Variants in IFT140 observed in about 807,000 individuals in gnomAD.
IFT140 encodes intraflagellar transport protein 140 homolog.
Under a neutral mutation model 164.6 loss-of-function variants are expected in IFT140, and 133 were observed. That is an observed-to-expected ratio of 0.81 (90% confidence interval 0.70 to 0.93). The LOEUF (loss-of-function observed/expected upper bound fraction) is 0.93. IFT140 is among the 40% of genes least tolerant of loss of function. The pLI is 0.00. For synonymous variants in IFT140, 860 were observed against 817.3 expected (o/e 1.05, Z -0.89); for missense variants, 2,045 against 1,972.3 (o/e 1.04, Z -0.70).
intron 19 of IFT140, among the ~76,000 whole-genome samples, chr16:1,539,746 G>C (rs1449452307): frequency 6.6e-6 from 1 of 152,200 alleles, no homozygotes. Flanking sequence ...GCTTCCCATG[G>C]CCCTGTCAGT....
chr16:1,545,933 C>A (rs921475971), intron 19 of IFT140, among the ~76,000 whole-genome samples: 25 of 152,230 alleles, frequency 1.6e-4, no homozygotes, highest in African/African-American at 6.0e-4. Flanking sequence ...GAGAGAGCAG[C>A]TGAAATGTGC....
chr16:1,517,575 A>G (rs2040402212), intron 30 of IFT140, among the ~76,000 whole-genome samples: 1 of 152,202 alleles, frequency 6.6e-6, no homozygotes, highest in African/African-American at 2.4e-5. Context: ...GGATGAGGAA[A>G]ACGCTAGAAC....
At position 1,533,315 on chromosome 16, in the gene IFT140, G is replaced by A. The variant is rs2030703170; in HGVS notation, c.2400-6519C>T. 1 of 151,274 alleles carries A rather than the reference G, an allele frequency of 6.6e-6. No individual in the cohort carries two copies. The highest frequency in any genetic ancestry group is 1.5e-5 in the Non-Finnish European group (1 of 67,752). The allele number at this position is 151,274 out of a possible 1,614,324, so 9.4% of individuals were successfully genotyped here. On this transcript the variant is annotated intron_variant, in intron 19 of 30. Coordinates refer to ENST00000426508, the MANE Select transcript of IFT140 (RefSeq NM_014714.4). The surrounding 1 kb of genome is among the most constrained non-coding windows in gnomAD (Gnocchi z 4.7). ...GCGGGGGGAGGCTTGTGGTTCCTAT[G>A]GTCCTGGGGGTACCTATGGTCCTGG...
chr16:1,586,622 T>C (rs915434933), intron 9 of IFT140, among the ~76,000 whole-genome samples: 1 of 138,292 alleles, frequency 7.2e-6, no homozygotes, highest in South Asian at 2.4e-4. Context: ...TACACACACA[T>C]GCATGCACAC....
chr16:1,515,389 G>C (rs1274440038), intron 30 of IFT140, among the ~76,000 whole-genome samples: 3 of 152,134 alleles, frequency 2.0e-5, no homozygotes, highest in Admixed American at 6.5e-5. Context: ...TTCAAGTGCT[G>C]AAAGGAAAAA....
chr16:1,544,416 A>G (rs2031961180), intron 19 of IFT140, among the ~76,000 whole-genome samples: 1 of 151,248 alleles, frequency 6.6e-6, no homozygotes, highest in Admixed American at 6.6e-5. Flanking sequence ...CGATCTCCTG[A>G]CCTCGTGATC....
At chr16:1,588,945 G>A (rs1303179396) in intron 7 of IFT140, among the ~76,000 whole-genome samples, 1 of 152,106 alleles carries the variant, frequency 6.6e-6, no homozygotes, top group African/African-American at 2.4e-5. Context: ...GGGGACACCG[G>A]GAAGAGGCCC....
intron 19 of IFT140, among the ~76,000 whole-genome samples, chr16:1,530,221 C>A (rs2030319011): frequency 6.7e-6 from 1 of 148,696 alleles, no homozygotes; most frequent in African/African-American, 2.5e-5. Context: ...TCACTGCAAC[C>A]TCTGCCTCCC....
chr16:1,545,661 G>A (rs543135861), intron 19 of IFT140, among the ~76,000 whole-genome samples: 1 of 152,326 alleles, frequency 6.6e-6, no homozygotes, highest in African/African-American at 2.4e-5. Context: ...GGTGGGGTGG[G>A]CAGTGGGGAG....
At position 1,562,099 on chromosome 16, in the gene IFT140, C is replaced by T; in HGVS notation, c.2085G>A (p.Leu695=). The part of the protein sequence containing the change: ...RAGPAADVLI[L]SFFISEEHGF... ...CGTGCTCTTCGGAAATGAAGAAGGA[C>T]AGGATCAAAACATCTGCCTGGGAGA... The change falls in exon 18 of 31, where the codon CTG becomes CTA. Residue 695 remains leucine, a synonymous_variant. Transcript: ENST00000426508. 1 of 1,607,374 alleles carries T rather than the reference C, an allele frequency of 6.2e-7. No homozygotes were observed. Among genetic ancestry groups the T allele is most frequent in the Non-Finnish European group, 8.5e-7 (1 of 1,177,162 alleles).
Position 1,531,245 on chromosome 16 carries a change from C to T in IFT140, c.2400-4449G>A, listed in dbSNP as rs2030455946. 6.6e-6 allele frequency: 1 copy of T among 152,232 alleles called. No individual in the cohort carries two copies. Among genetic ancestry groups the T allele is most frequent in the Non-Finnish European group, 1.5e-5 (1 of 68,050 alleles). 9.4% of individuals were successfully genotyped at this position (152,232 alleles called of 1,614,324 possible). A position where few individuals can be genotyped will look rare whatever the true frequency, so the allele number is the denominator to read the frequency against. ...GTCCCGGCCAGTCTGTGGAGTCACC[C>T]ACATCTGCACTTCATCAGCCCCGAG... On this transcript the variant is annotated intron_variant, in intron 19 of 30. Transcript: ENST00000426508. This position sits in a 1 kb window ranked among gnomAD's most constrained non-coding sequence, Gnocchi z 4.7.
chr16:1,519,859 C>A, intron 29 of IFT140, 22 bp downstream of exon 29: 2 of 1,517,572 alleles, frequency 1.3e-6, no homozygotes, highest in Non-Finnish European at 1.8e-6. Context: ...CTGGCCTGTC[C>A]CCGCTGGCCC....
At chr16:1,526,861 C>T (rs1567332047) in intron 19 of IFT140, 65 bp from the exon 20 acceptor site, 4 of 1,504,412 alleles carry the variant, frequency 2.7e-6, no homozygotes, top group African/African-American at 2.8e-5. Flanking sequence ...GCCCTACGGC[C>T]CCTTCTCCTG....
rs191871869 is a variant in IFT140, at chr16:1,534,476, G to A, written c.2400-7680C>T. ...CGAGCCCTGGGGCCAGAGCCGGCCA[G>A]GTGGACGCACATGACTGTGAGGCGC... On this transcript the variant is annotated intron_variant, in intron 19 of 30. Transcript: ENST00000426508. 3.7e-6 allele frequency: 6 copies of A among 1,610,792 alleles called. No homozygotes were observed. In the Admixed American group the frequency reaches 1.0e-4, roughly 27 times the overall value.
At chr16:1,602,085 G>C (rs1415764017) in intron 4 of IFT140, among the ~76,000 whole-genome samples, 8 of 152,232 alleles carry the variant, frequency 5.3e-5, no homozygotes, top group Non-Finnish European at 1.0e-4. Flanking sequence ...AAGAAGCCCT[G>C]AGCTAGACAA....
chr16:1,516,716 G>A (rs992692173), intron 30 of IFT140, among the ~76,000 whole-genome samples: 19 of 146,974 alleles, frequency 1.3e-4, no homozygotes, highest in Non-Finnish European at 1.2e-4. Context: ...CTTGCAGTGA[G>A]CCGAGATTGC....
intron 3 of IFT140, among the ~76,000 whole-genome samples, chr16:1,606,560 A>G (rs2036071528): frequency 6.6e-6 from 1 of 152,204 alleles, no homozygotes. Flanking sequence ...TCCTGGGTTC[A>G]AGCGATTCTC....
chr16:1,584,140 C>G, intron 11 of IFT140, 77 bp downstream of exon 11: 1 of 1,324,660 alleles, frequency 7.5e-7, no homozygotes, highest in South Asian at 1.3e-5. Context: ...CATCTGGGGC[C>G]CTTGCTGCCC....
intron 30 of IFT140, among the ~76,000 whole-genome samples, chr16:1,512,055 C>G (rs778863296): frequency 2.1e-4 from 32 of 148,878 alleles, no homozygotes; most frequent in Non-Finnish European, 4.5e-4. Flanking sequence ...GCAGAGCTAG[C>G]TTCGGAGAGG....
Sources: allele counts gnomAD v4.1 joint callset (sites outside exome capture counted in the v4.1 genomes callset), GRCh38; gene constraint gnomAD v4.1.1; non-coding constraint Gnocchi (gnomAD v3.1); transcripts MANE v1.5; gene names NCBI Gene and HGNC (gene_info 2026-07-23, HGNC 2026-07-21).